RBFOX1: variants seen among roughly 807,000 people sequenced by gnomAD.
The protein encoded by RBFOX1 is RNA binding fox-1 homolog 1.
Under a neutral mutation model 57.7 loss-of-function variants are expected in RBFOX1, and 8 were observed. The ratio of observed to expected loss-of-function variants is 0.14; its 90% CI spans 0.08 to 0.25. The LOEUF (loss-of-function observed/expected upper bound fraction) is 0.25. Ranked by LOEUF, RBFOX1 falls within the 10% of genes least tolerant of loss-of-function variation. RBFOX1 has a pLI of 1.00. For missense variants in RBFOX1, 611 were observed against 548.5 expected (o/e 1.11, Z -1.14); for synonymous variants, 326 against 222.4 (o/e 1.47, Z -4.15).
chr16:6,524,670 G>C (rs530409382), intron 2 of RBFOX1, among the ~76,000 whole-genome samples: 1 of 152,162 alleles, frequency 6.6e-6, no homozygotes, highest in Admixed American at 6.6e-5. Flanking sequence ...GAGGCTTAAA[G>C]TCTGAAATCA....
chr16:5,244,990 T>A (rs932872338), intron 1 of RBFOX1, among the ~76,000 whole-genome samples: 14 of 152,352 alleles, frequency 9.2e-5, no homozygotes, highest in Non-Finnish European at 1.6e-4. Context: ...GATCTTGATA[T>A]GTGTTTCTCA....
intron 3 of RBFOX1, among the ~76,000 whole-genome samples, chr16:6,817,220 T>C (rs1490733542): frequency 1.3e-5 from 2 of 152,118 alleles, no homozygotes; most frequent in Non-Finnish European, 2.9e-5. Flanking sequence ...AGGAACTTTG[T>C]TGCAGAGATT....
chr16:5,498,061 G>A (rs965862148), intron 2 of RBFOX1, among the ~76,000 whole-genome samples: 1 of 152,194 alleles, frequency 6.6e-6, no homozygotes, highest in African/African-American at 2.4e-5. Context: ...TGGAGTGAGT[G>A]AGCTTGAGGG....
In RBFOX1 at chr16:7,712,651, G is replaced by T. The variant is rs2084174440; in HGVS notation, c.*1906G>T. 6.6e-6 allele frequency: 1 copy of T among 152,298 alleles called. No homozygotes were observed. The highest frequency in any genetic ancestry group is 1.5e-5 in the Non-Finnish European group (1 of 68,038). 9.4% of individuals were successfully genotyped at this position (152,298 alleles called of 1,614,324 possible). The stretch of plus-strand genomic sequence containing the variant: ...TGGGTGAGGGGAGGGGCAAGAGGGT[G>T]TTTTATAGCATCACTAAGACATTCT... On this transcript the variant is annotated 3_prime_UTR_variant, in exon 16 of 16. Coordinates refer to ENST00000550418, the MANE Select transcript of RBFOX1 (RefSeq NM_018723.4).
In RBFOX1 at chr16:7,046,237, G is replaced by GGTGTGT. The variant is rs34943266; in HGVS notation, c.-15-5795_-15-5790dup. ...ATAAAGTGTGAGGTTTAGGTAAAGGGGTGTGTGTGTGTGTGTGTGTGTGTG... is the reference window on the plus strand; with the variant it reads ...ATAAAGTGTGAGGTTTAGGTAAAGGGGTGTGTGTGTGTGTGTGTGTGTGTGTGTGTG... On this transcript the variant is annotated intron_variant, in intron 3 of 15. Transcript: ENST00000550418. Among the ~76,000 whole-genome samples, 1,409 of 146,686 alleles carry GGTGTGT rather than the reference G, an allele frequency of 9.6e-3. 17 individuals carry two copies. Among genetic ancestry groups the GGTGTGT allele is most frequent in the African/African-American group, 0.029 (1,176 of 40,502 alleles).
chr16:5,817,077 T>G (rs962563116), intron 3 of RBFOX1, among the ~76,000 whole-genome samples: 5 of 152,124 alleles, frequency 3.3e-5, no homozygotes, highest in Non-Finnish European at 7.3e-5. Context: ...CATATCCCAT[T>G]TTGGGTTCAG....
At chr16:6,066,869 A>C (rs2095771253) in intron 1 of RBFOX1, among the ~76,000 whole-genome samples, 1 of 152,066 alleles carries the variant, frequency 6.6e-6, no homozygotes, top group Non-Finnish European at 1.5e-5. Flanking sequence ...AGCAGAAGGT[A>C]ATTGCTTTAG....
At chr16:7,569,141 A>T (rs1198138336) in intron 5 of RBFOX1, among the ~76,000 whole-genome samples, 1 of 152,154 alleles carries the variant, frequency 6.6e-6, no homozygotes, top group Non-Finnish European at 1.5e-5. Flanking sequence ...GACAGTGATG[A>T]AAATGTTCTA....
chr16:7,309,726 AG>A, intron 4 of RBFOX1, among the ~76,000 whole-genome samples: 1 of 152,290 alleles, frequency 6.6e-6, no homozygotes, highest in South Asian at 2.1e-4. Context: ...GTAGTTTGTC[AG>A]GCAAATAATA....
At chr16:7,152,183 T>A (rs1410804986) in intron 4 of RBFOX1, among the ~76,000 whole-genome samples, 1 of 152,152 alleles carries the variant, frequency 6.6e-6, no homozygotes, top group East Asian at 1.9e-4. Flanking sequence ...TTCTTGGAGT[T>A]AGAAGGAGAG....
chr16:6,080,204 C>T (rs1208144107), intron 1 of RBFOX1, among the ~76,000 whole-genome samples: 1 of 152,028 alleles, frequency 6.6e-6, no homozygotes, highest in African/African-American at 2.4e-5. Context: ...CTTCCCTTGG[C>T]GCTGATCCGT....
At chr16:6,892,521 T>C (rs959630448) in intron 3 of RBFOX1, among the ~76,000 whole-genome samples, 2 of 151,946 alleles carry the variant, frequency 1.3e-5, no homozygotes, top group Admixed American at 1.3e-4. Flanking sequence ...AATACAAAAA[T>C]TAGCTGCGCA....
chr16:6,660,212 G>T (rs993765624), intron 3 of RBFOX1, among the ~76,000 whole-genome samples: 5 of 148,098 alleles, frequency 3.4e-5, no homozygotes, highest in Admixed American at 6.8e-5. Flanking sequence ...CAATAAGAGT[G>T]AGACTTCATC....
chr16:6,687,599 G>T (rs1312562696), intron 3 of RBFOX1, among the ~76,000 whole-genome samples: 1 of 152,166 alleles, frequency 6.6e-6, no homozygotes, highest in Non-Finnish European at 1.5e-5. Context: ...ATTAACTTCA[G>T]GTCTAATAGT....
chr16:6,440,748 C>G (rs2094358969), intron 2 of RBFOX1, among the ~76,000 whole-genome samples: 1 of 150,510 alleles, frequency 6.6e-6, no homozygotes, highest in African/African-American at 2.5e-5. Flanking sequence ...TTTCAATGAG[C>G]CGAGATCGTG....
At chr16:6,120,854 C>G (rs926867752) in intron 1 of RBFOX1, among the ~76,000 whole-genome samples, 9 of 152,088 alleles carry the variant, frequency 5.9e-5, no homozygotes, top group South Asian at 2.1e-4. Context: ...CCAAACATTT[C>G]TGGTGTACAG....
intron 3 of RBFOX1, among the ~76,000 whole-genome samples, chr16:6,740,995 C>T (rs1603484938): frequency 6.6e-6 from 1 of 152,078 alleles, no homozygotes; most frequent in East Asian, 1.9e-4. Context: ...GTCATCATCG[C>T]TATGTGGTAT....
intron 3 of RBFOX1, among the ~76,000 whole-genome samples, chr16:6,964,301 G>C (rs542006114): frequency 6.6e-6 from 1 of 152,240 alleles, no homozygotes; most frequent in African/African-American, 2.4e-5. Context: ...TTATAGGCAT[G>C]AGCTGTTGTG....
chr16:6,930,494 C>G (rs772203415), intron 3 of RBFOX1, among the ~76,000 whole-genome samples: 1 of 151,916 alleles, frequency 6.6e-6, no homozygotes, highest in African/African-American at 2.4e-5. Flanking sequence ...ACTACAACCT[C>G]TGCCTTCTGG....
Sources: allele counts gnomAD v4.1 joint callset (sites outside exome capture counted in the v4.1 genomes callset), GRCh38; gene constraint gnomAD v4.1.1; transcripts MANE v1.5; gene names NCBI Gene and HGNC (gene_info 2026-07-23, HGNC 2026-07-21).